Variants in MAP3K21 observed in about 807,000 individuals in gnomAD.
MAP3K21 encodes the protein mitogen-activated protein kinase kinase kinase MLK4.
A neutral mutation model predicts 86.1 loss-of-function variants in MAP3K21; 63 were observed. The observed-to-expected ratio is 0.73, with a 90% CI of 0.60 to 0.90. The LOEUF is 0.90. Ranked by LOEUF, MAP3K21 falls within the 40% of genes least tolerant of loss-of-function variation. The pLI, the probability that MAP3K21 is intolerant of heterozygous loss-of-function variation, is 0.00. For synonymous variants in MAP3K21, 558 were observed against 564.8 expected, an observed-to-expected ratio of 0.99 and a Z score of 0.17; for missense variants, 1,220 against 1,367.7, an observed-to-expected ratio of 0.89 and a Z score of 1.70.
chr1:233,362,268 T>C lies in MAP3K21; in HGVS notation c.1527T>C (p.Asp509=). The C allele has an allele frequency of 6.2e-7, 1 of 1,614,234 alleles. No individual in the cohort carries two copies. The highest frequency in any genetic ancestry group is 1.3e-5 in the African/African-American group (1 of 75,068). ...AGAGAAGTCGTTTAAAGCTCAAAGA[T>C]GGACATCGAATCAGTTTACCTTCAG... is the stretch of plus-strand genomic sequence containing the variant. ...KFKRSRLKLK[D]GHRISLPSDF... Residue 509 remains aspartate, a synonymous_variant, in exon 5 of 10, where the codon GAT becomes GAC. Coordinates refer to ENST00000366624, the MANE Select transcript of MAP3K21 (RefSeq NM_032435.3).
chr1:233,384,461 T>C lies in MAP3K21; in HGVS notation c.*1750T>C, dbSNP rs563594131. ...GATTCGGCTTCACTTTGTGTGGTTA[T>C]TGAATTATGTAACAGAGATTTGGTT... On this transcript the variant is annotated 3_prime_UTR_variant, in exon 10 of 10. Transcript: ENST00000366624. The C allele has an allele frequency of 2.0e-5, 3 of 152,242 alleles. No homozygotes were observed. The highest frequency in any genetic ancestry group is 6.5e-5 in the Admixed American group (1 of 15,286). 9.4% of individuals were successfully genotyped at this position (152,242 alleles called of 1,614,324 possible).
chr1:233,370,465 TGTAGG>T (rs1663660810), intron 5 of MAP3K21, among the ~76,000 whole-genome samples: 1 of 152,192 alleles, frequency 6.6e-6, no homozygotes, highest in African/African-American at 2.4e-5. Context: ...TTGGTGGATA[TGTAGG>T]GTAACAGAAA....
At position 233,346,432 on chromosome 1, in the gene MAP3K21, T is replaced by G. The variant is rs774894053; in HGVS notation, c.806-10T>G. 5 of 1,571,622 alleles carry G rather than the reference T, an allele frequency of 3.2e-6. No individual in the cohort carries two copies. In the Admixed American group the frequency reaches 9.8e-5, roughly 31 times the overall value. On this transcript the variant is annotated splice_polypyrimidine_tract_variant and intron_variant, in intron 1 of 9. Coordinates refer to ENST00000366624, the MANE Select transcript of MAP3K21 (RefSeq NM_032435.3). ...AATATGCAAATGTCTCACTTTTGAT[T>G]TTTCTTTAGTTTTGCTACTTGAGAA... is the stretch of plus-strand genomic sequence containing the variant.
intron 2 of MAP3K21, among the ~76,000 whole-genome samples, chr1:233,349,167 G>C (rs1193169712): frequency 6.6e-6 from 1 of 152,148 alleles, no homozygotes; most frequent in Admixed American, 6.5e-5. Flanking sequence ...TGAAGGCTGA[G>C]CGTGTGTGTT....
At chr1:233,352,023 G>A (rs1156393480) in intron 2 of MAP3K21, among the ~76,000 whole-genome samples, 1 of 152,020 alleles carries the variant, frequency 6.6e-6, no homozygotes, top group African/African-American at 2.4e-5. Context: ...TGAGTAGCTG[G>A]GACTATAAGC....
At chr1:233,360,102 C>G (rs1448177409) in intron 4 of MAP3K21, among the ~76,000 whole-genome samples, 1 of 152,124 alleles carries the variant, frequency 6.6e-6, no homozygotes, top group African/African-American at 2.4e-5. Context: ...CTTTCTCATG[C>G]CATCTCATTT....
intron 5 of MAP3K21, among the ~76,000 whole-genome samples, chr1:233,365,167 T>C (rs1663549692): frequency 6.6e-6 from 1 of 152,192 alleles, no homozygotes; most frequent in Admixed American, 6.5e-5. Flanking sequence ...GAAAATTCTT[T>C]AAGTTAGTAT....
intron 2 of MAP3K21, among the ~76,000 whole-genome samples, 174 bp downstream of exon 2, chr1:233,346,796 C>T (rs1045329501): frequency 6.6e-6 from 1 of 152,138 alleles, no homozygotes; most frequent in Non-Finnish European, 1.5e-5. Flanking sequence ...TTGATGTTTG[C>T]ATTGTCATAT....
Position 233,328,567 on chromosome 1 carries a change from A to AC in MAP3K21, c.543dup (p.Asn182GlnfsTer72). ...GCTCGGCTCTTCGCCATGCTGCGGCACCCCAACATCATCGAGCTGCGCGGC... is the reference window on the plus strand; with the variant it reads ...GCTCGGCTCTTCGCCATGCTGCGGCACCCCCAACATCATCGAGCTGCGCGGC... On this transcript the variant is annotated frameshift_variant, in exon 1 of 10. Transcript: ENST00000366624. LOFTEE classifies it high-confidence loss of function. The surrounding 1 kb of genome is among the most constrained non-coding windows in gnomAD (Gnocchi z 8.7). 6.5e-7 allele frequency: 1 copy of AC among 1,530,168 alleles called. No homozygotes were observed. The allele number at this position is 1,530,168 out of a possible 1,614,324, so 94.8% of individuals were successfully genotyped here. A position where few individuals can be genotyped will look rare whatever the true frequency, so the allele number is the denominator to read the frequency against.
intron 1 of MAP3K21, among the ~76,000 whole-genome samples, chr1:233,339,874 A>G (rs1284128521): frequency 1.3e-5 from 2 of 152,200 alleles, no homozygotes; most frequent in African/African-American, 4.8e-5. Context: ...CTGACTTAAC[A>G]TGAAAGAAAA....
chr1:233,362,038 G>C lies in MAP3K21; in HGVS notation c.1312-15G>C. 6.2e-7 allele frequency: 1 copy of C among 1,609,572 alleles called. No individual in the cohort carries two copies. Among genetic ancestry groups the C allele is most frequent in the Non-Finnish European group, 8.5e-7 (1 of 1,178,176 alleles). On this transcript the variant is annotated splice_polypyrimidine_tract_variant and intron_variant, in intron 4 of 9. Coordinates refer to ENST00000366624, the MANE Select transcript of MAP3K21 (RefSeq NM_032435.3). ...TGCTGGGAATGATTCCGGTGGGTGTGAATCTGTGTCGCAGGAGCTGCGATC... is the reference window on the plus strand; with the variant it reads ...TGCTGGGAATGATTCCGGTGGGTGTCAATCTGTGTCGCAGGAGCTGCGATC...
intron 5 of MAP3K21, among the ~76,000 whole-genome samples, chr1:233,366,000 C>T (rs1228203264): frequency 6.6e-6 from 1 of 152,150 alleles, no homozygotes; most frequent in African/African-American, 2.4e-5. Context: ...TGATGGAACA[C>T]TATTCAGCCA....
At position 233,382,727 on chromosome 1, in the gene MAP3K21, G is replaced by A; in HGVS notation, c.*16G>A. The A allele has an allele frequency of 1.2e-6, 2 of 1,600,530 alleles. No individual in the cohort carries two copies. The highest frequency in any genetic ancestry group is 1.1e-5 in the South Asian group (1 of 90,236). On this transcript the variant is annotated 3_prime_UTR_variant, in exon 10 of 10. Transcript: ENST00000366624. ...CCTGTCTTAAACTAAGTGCCTTACT[G>A]TTGTTTAAGCATTTTTTTAAGGTGA...
chr1:233,345,834 G>T (rs187556918), intron 1 of MAP3K21, among the ~76,000 whole-genome samples: 63 of 152,030 alleles, frequency 4.1e-4, no homozygotes, highest in African/African-American at 1.3e-3. Context: ...CTTCACTCCC[G>T]GGAGTTCCCC....
rs562003209 is a variant in MAP3K21 at position 233,345,298 on chromosome 1, TA to T, written c.806-1143del. Among the ~76,000 whole-genome samples, 25 of 152,304 alleles carry T rather than the reference TA, an allele frequency of 1.6e-4. No homozygotes were observed. In the South Asian group the frequency reaches 5.0e-3, roughly 30 times the overall value. ...AAATGCACACGTATCTTTATTGCAG[TA>T]CTATTCACGATAGCAACAACTTGGA... On this transcript the variant is annotated intron_variant, in intron 1 of 9. Coordinates refer to ENST00000366624, the MANE Select transcript of MAP3K21 (RefSeq NM_032435.3).
intron 8 of MAP3K21, among the ~76,000 whole-genome samples, chr1:233,377,680 A>G (rs1162987417): frequency 1.3e-5 from 2 of 152,218 alleles, no homozygotes; most frequent in Non-Finnish European, 2.9e-5. Context: ...CCAGTGGGGT[A>G]GGGATGGTTT....
intron 3 of MAP3K21, 136 bp from the exon 4 acceptor site, chr1:233,354,700 G>T: frequency 1.4e-6 from 1 of 706,802 alleles, no homozygotes; most frequent in East Asian, 2.6e-5. Flanking sequence ...AAATCTTCAG[G>T]AGCAGATACT....
intron 1 of MAP3K21, among the ~76,000 whole-genome samples, chr1:233,343,013 A>C (rs967088001): frequency 3.9e-5 from 6 of 152,198 alleles, no homozygotes; most frequent in African/African-American, 1.2e-4. Context: ...GTTGTAACCC[A>C]ACAGTATTTA....
At position 233,382,677 on chromosome 1, in the gene MAP3K21, C is replaced by A. The variant is rs1033231980; in HGVS notation, c.3077C>A (p.Ser1026Tyr). Residue 1026 changes from serine to tyrosine, a missense_variant, in exon 10 of 10, where the codon TCT becomes TAT. This residue lies in a region of MAP3K21 where 632 missense variants were observed against 691.3 expected (regional missense o/e 0.91). Transcript: ENST00000366624. ...CRMRSKTSRP[S>Y]IYELEKEFLS ...ATGAGGAGCAAAACCAGCCGGCCAT[C>A]TATATATGAACTGGAGAAAGAATTC... The A allele has an allele frequency of 6.2e-7, 1 of 1,613,870 alleles. No individual in the cohort carries two copies. Among genetic ancestry groups the A allele is most frequent in the African/African-American group, 1.3e-5 (1 of 74,928 alleles).
Sources: allele counts gnomAD v4.1 joint callset (sites outside exome capture counted in the v4.1 genomes callset), GRCh38; gene constraint gnomAD v4.1.1; regional missense constraint gnomAD v4.1.1; non-coding constraint Gnocchi (gnomAD v3.1); transcripts MANE v1.5; gene names NCBI Gene and HGNC (gene_info 2026-07-23, HGNC 2026-07-21).